The following CTNNA3 variants were observed in gnomAD, a reference collection of about 807,000 sequenced individuals.
The protein encoded by CTNNA3 is catenin alpha 3.
Under a neutral mutation model 95.7 loss-of-function variants are expected in CTNNA3, and 76 were observed. The observed-to-expected ratio is 0.79, with a 90% CI of 0.66 to 0.96. The LOEUF (loss-of-function observed/expected upper bound fraction) is 0.96, where lower values mean the gene tolerates loss of function less well. CTNNA3 is among the 40% of genes least tolerant of loss of function. The probability of loss-of-function intolerance (pLI) is 0.00; values close to 1 mark genes in which losing one functional copy is unlikely to be tolerated. For missense variants in CTNNA3, 1,191 were observed against 1,089.8 expected (o/e 1.09, Z -1.31); for synonymous variants, 431 against 374.4 (o/e 1.15, Z -1.74).
At chr10:67,225,052 C>A (rs1564490737) in intron 5 of CTNNA3, among the ~76,000 whole-genome samples, 1 of 152,232 alleles carries the variant, frequency 6.6e-6, no homozygotes, top group East Asian at 1.9e-4. Flanking sequence ...GGGAGTGAGA[C>A]CAGCCCTTTG....
At position 66,360,642 on chromosome 10, in the gene CTNNA3, TCTTTCTTTCTTTCTTTCTTC is replaced by T. The variant is rs1400481870; in HGVS notation, c.1732+18490_1732+18509del. Among the ~76,000 whole-genome samples the T allele has an allele frequency of 4.1e-3, 259 of 62,450 alleles. 1 individual carries two copies. Among genetic ancestry groups the T allele is most frequent in the East Asian group, 0.028 (49 of 1,776 alleles). The allele number at this position is 62,450 out of a possible 152,430, so 41.0% of individuals were successfully genotyped here. A position where few individuals can be genotyped will look rare whatever the true frequency, so the allele number is the denominator to read the frequency against. ...TTCTTTCTTTCTTTCTTTCTTTCTT[TCTTTCTTTCTTTCTTTCTTC>T]CTTCCTTCCTTCCTTCCTTCCTTCC... is the stretch of plus-strand genomic sequence containing the variant. On this transcript the variant is annotated intron_variant, in intron 12 of 17. Transcript: ENST00000433211.
Position 66,719,739 on chromosome 10 carries a change from T to C in CTNNA3, c.1281+46525A>G, listed in dbSNP as rs897766312. ...AGAGAAACATATTTGAGTCACTTTG[T>C]TCCTATGCAAATATATGCCTCCCAG... On this transcript the variant is annotated intron_variant, in intron 9 of 17. Coordinates refer to ENST00000433211, the MANE Select transcript of CTNNA3 (RefSeq NM_013266.4). 2.0e-5 allele frequency among the ~76,000 whole-genome samples: 3 copies of C among 152,164 alleles called. No homozygotes were observed. The East Asian group carries it at 5.8e-4, about 29-fold the overall frequency.
At chr10:65,954,674 A>T (rs1182262949) in intron 17 of CTNNA3, among the ~76,000 whole-genome samples, 12 of 152,054 alleles carry the variant, frequency 7.9e-5, no homozygotes, top group Admixed American at 7.9e-4. Context: ...TTTTGTCAGA[A>T]TTGTCAAAGA....
chr10:66,316,397 T>C (rs1207899756), intron 12 of CTNNA3, among the ~76,000 whole-genome samples: 1 of 152,062 alleles, frequency 6.6e-6, no homozygotes, highest in East Asian at 1.9e-4. Flanking sequence ...GAACTTTTAT[T>C]TTACAGTAAT....
intron 5 of CTNNA3, among the ~76,000 whole-genome samples, chr10:67,392,043 A>C (rs1844515714): frequency 6.6e-6 from 1 of 152,224 alleles, no homozygotes; most frequent in African/African-American, 2.4e-5. Context: ...ACAAAAGACA[A>C]AATTGACAAA....
chr10:67,230,912 C>A (rs1026825998), intron 5 of CTNNA3, among the ~76,000 whole-genome samples: 1 of 152,176 alleles, frequency 6.6e-6, no homozygotes, highest in East Asian at 1.9e-4. Context: ...AGAGGGGTGA[C>A]AGACCGCACC....
At chr10:67,472,969 A>G (rs1469648201) in intron 5 of CTNNA3, among the ~76,000 whole-genome samples, 2 of 152,168 alleles carry the variant, frequency 1.3e-5, no homozygotes, top group Non-Finnish European at 2.9e-5. Context: ...ATAGCTGTAC[A>G]TGTTTACTGA....
rs77953755 is a variant in CTNNA3 at position 66,839,412 on chromosome 10, A to C, written c.1048-63888T>G. 5.5e-3 allele frequency among the ~76,000 whole-genome samples: 840 copies of C among 152,304 alleles called. 6 individuals carry two copies. The highest frequency in any genetic ancestry group is 0.019 in the African/African-American group (800 of 41,578). On this transcript the variant is annotated intron_variant, in intron 7 of 17. Transcript: ENST00000433211. Reference sequence around the variant, plus strand: ...AGTTCTTAGCTGACATATGACATGAATATGAGTACCTTACAGAGAAGGCAT... The same window carrying C: ...AGTTCTTAGCTGACATATGACATGACTATGAGTACCTTACAGAGAAGGCAT...
chr10:66,611,997 T>C lies in CTNNA3; in HGVS notation c.1374+9695A>G, dbSNP rs570766451. Among the ~76,000 whole-genome samples, 6 of 152,230 alleles carry C rather than the reference T, an allele frequency of 3.9e-5. No homozygotes were observed. The South Asian group carries it at 1.2e-3, about 32-fold the overall frequency. On this transcript the variant is annotated intron_variant, in intron 10 of 17. Coordinates refer to ENST00000433211, the MANE Select transcript of CTNNA3 (RefSeq NM_013266.4). ...TTTTCTATCATCTCAACCTGGATCT[T>C]CTGGTAGTAACTTAAATATATTCAT...
chr10:66,497,982 T>C (rs1004674872), intron 11 of CTNNA3, among the ~76,000 whole-genome samples: 1 of 152,080 alleles, frequency 6.6e-6, no homozygotes, highest in Non-Finnish European at 1.5e-5. Flanking sequence ...GTTCAGAGGG[T>C]CAGTTCCCAA....
At chr10:66,029,154 C>T (rs2079402631) in intron 15 of CTNNA3, among the ~76,000 whole-genome samples, 1 of 152,138 alleles carries the variant, frequency 6.6e-6, no homozygotes, top group African/African-American at 2.4e-5. Context: ...AATTTTCCTG[C>T]ATTCTTACAT....
chr10:67,368,018 G>A (rs768921451), intron 5 of CTNNA3, among the ~76,000 whole-genome samples: 21 of 152,198 alleles, frequency 1.4e-4, no homozygotes, highest in Non-Finnish European at 2.9e-4. Context: ...ACCTGCGCAT[G>A]TACCCCTTGA....
At chr10:66,573,246 C>T (rs530612933) in intron 10 of CTNNA3, among the ~76,000 whole-genome samples, 140 of 152,072 alleles carry the variant, frequency 9.2e-4, no homozygotes, top group African/African-American at 3.1e-3. Context: ...TAGGCCTAGC[C>T]GAATATATCA....
intron 1 of CTNNA3, among the ~76,000 whole-genome samples, chr10:67,682,755 A>G (rs1840651941): frequency 6.6e-6 from 1 of 152,258 alleles, no homozygotes; most frequent in African/African-American, 2.4e-5. Flanking sequence ...CTCAAAAAGT[A>G]CACCAGGATA....
At position 67,604,076 on chromosome 10, in the gene CTNNA3, T is replaced by C. The variant is rs372993170; in HGVS notation, c.292+2781A>G. On this transcript the variant is annotated intron_variant, in intron 3 of 17. Coordinates refer to ENST00000433211, the MANE Select transcript of CTNNA3 (RefSeq NM_013266.4). Reference sequence around the variant, plus strand: ...GCTGGCAGCATTCAGTATAGTAACATGCTGTACGAGTTTGTAGCCTAGGAT... The same window carrying C: ...GCTGGCAGCATTCAGTATAGTAACACGCTGTACGAGTTTGTAGCCTAGGAT... 2.8e-4 allele frequency among the ~76,000 whole-genome samples: 42 copies of C among 152,252 alleles called. 1 individual carries two copies. Among genetic ancestry groups the C allele is most frequent in the East Asian group, 2.5e-3 (13 of 5,204 alleles).
intron 2 of CTNNA3, 108 bp downstream of exon 2, chr10:67,647,307 A>G (rs1167184074): frequency 1.3e-5 from 10 of 753,352 alleles, no homozygotes; most frequent in Admixed American, 3.1e-5. Flanking sequence ...TTTAGATGAC[A>G]TATTTATATA....
chr10:66,445,423 G>A (rs2093412387), intron 11 of CTNNA3, among the ~76,000 whole-genome samples: 2 of 152,144 alleles, frequency 1.3e-5, no homozygotes, highest in Middle Eastern at 3.4e-3. Flanking sequence ...ATAGTTGGAA[G>A]TAAAGCACTC....
chr10:66,044,635 A>G (rs2079787920), intron 15 of CTNNA3, among the ~76,000 whole-genome samples: 1 of 152,116 alleles, frequency 6.6e-6, no homozygotes, highest in East Asian at 1.9e-4. Flanking sequence ...GCTGTTGACT[A>G]TAAACTTTTT....
intron 5 of CTNNA3, among the ~76,000 whole-genome samples, chr10:67,301,994 C>CGAAAGAAA (rs1334898390): frequency 8.4e-4 from 31 of 36,758 alleles, no homozygotes; most frequent in African/African-American, 3.6e-3. Flanking sequence ...AAAGAAAGAA[C>CGAAAGAAA]GAAAGAACGA....
Sources: allele counts gnomAD v4.1 joint callset (sites outside exome capture counted in the v4.1 genomes callset), GRCh38; gene constraint gnomAD v4.1.1; transcripts MANE v1.5; gene names NCBI Gene and HGNC (gene_info 2026-07-23, HGNC 2026-07-21).